The following TMEM132D variants were observed in gnomAD, a reference collection of about 807,000 sequenced individuals.
The protein encoded by TMEM132D is transmembrane protein 132D, also known as mature OL transmembrane protein.
A neutral mutation model predicts 62.3 loss-of-function variants in TMEM132D; 21 were observed. The ratio of observed to expected loss-of-function variants is 0.34; its 90% confidence interval spans 0.24 to 0.49. The LOEUF is 0.49. TMEM132D is among the 20% of genes least tolerant of loss of function. The pLI, the probability that TMEM132D is intolerant of heterozygous loss-of-function variation, is 0.99. For missense variants in TMEM132D, 1,346 were observed against 1,402.8 expected (o/e 0.96, Z 0.65); for synonymous variants, 621 against 575.6 (o/e 1.08, Z -1.13).
chr12:129,492,146 TCTC>T (rs957925612), intron 3 of TMEM132D, among the ~76,000 whole-genome samples: 1 of 152,190 alleles, frequency 6.6e-6, no homozygotes, highest in Non-Finnish European at 1.5e-5. Flanking sequence ...TTTAGTGTCT[TCTC>T]TTTTTCTTTT....
chr12:129,692,960 C>T (rs1361706043), intron 2 of TMEM132D, among the ~76,000 whole-genome samples: 1 of 152,114 alleles, frequency 6.6e-6, no homozygotes, highest in Non-Finnish European at 1.5e-5. Context: ...ATGTAACAAA[C>T]CTGCACATCC....
At chr12:129,814,902 T>C (rs1461819157) in intron 1 of TMEM132D, among the ~76,000 whole-genome samples, 2 of 152,260 alleles carry the variant, frequency 1.3e-5, no homozygotes, top group Admixed American at 1.3e-4. Context: ...AACGTTGCCT[T>C]CACAGGGGCT....
At chr12:129,747,727 G>A (rs1457185662) in intron 1 of TMEM132D, among the ~76,000 whole-genome samples, 1 of 143,170 alleles carries the variant, frequency 7.0e-6, no homozygotes, top group East Asian at 2.1e-4. Context: ...CATACACACA[G>A]ACACACACAC....
chr12:129,850,103 G>A (rs2137351942), intron 1 of TMEM132D, among the ~76,000 whole-genome samples: 1 of 152,322 alleles, frequency 6.6e-6, no homozygotes, highest in South Asian at 2.1e-4. Flanking sequence ...TCTTTCTGAA[G>A]GTATTTTGTG....
chr12:129,567,059 T>C (rs1877386998), intron 2 of TMEM132D, among the ~76,000 whole-genome samples: 1 of 152,252 alleles, frequency 6.6e-6, no homozygotes, highest in African/African-American at 2.4e-5. Context: ...ACTACCTTGT[T>C]GACCAGTTCT....
intron 4 of TMEM132D, among the ~76,000 whole-genome samples, chr12:129,245,673 A>C (rs1002151151): frequency 1.3e-5 from 2 of 152,108 alleles, no homozygotes; most frequent in African/African-American, 2.4e-5. Context: ...TGTAAAAGGC[A>C]GTGAGAGTGG....
At chr12:129,531,597 C>T (rs1004270471) in intron 2 of TMEM132D, among the ~76,000 whole-genome samples, 25 of 152,134 alleles carry the variant, frequency 1.6e-4, no homozygotes, top group African/African-American at 5.1e-4. Flanking sequence ...GAAATAAGAA[C>T]GCACATTCAT....
intron 4 of TMEM132D, among the ~76,000 whole-genome samples, chr12:129,276,250 C>G (rs1426981838): frequency 1.3e-5 from 2 of 152,164 alleles, no homozygotes; most frequent in East Asian, 1.9e-4. Flanking sequence ...TATTATTACC[C>G]AAAGATAAAA....
chr12:129,183,792 G>T (rs1262971515), intron 5 of TMEM132D, among the ~76,000 whole-genome samples: 1 of 146,188 alleles, frequency 6.8e-6, no homozygotes, highest in East Asian at 1.9e-4. Flanking sequence ...CTGGGTAGTG[G>T]CTGTCCCCTT....
chr12:129,800,716 G>T (rs61942076), intron 1 of TMEM132D, among the ~76,000 whole-genome samples: 12,411 of 152,190 alleles, frequency 0.082, 541 homozygotes, highest in Non-Finnish European at 0.097. Context: ...GAGGAGCCAA[G>T]ATGGCCGAAT....
chr12:129,600,011 A>G (rs891523227), intron 2 of TMEM132D, among the ~76,000 whole-genome samples: 13 of 152,148 alleles, frequency 8.5e-5, no homozygotes, highest in Non-Finnish European at 1.5e-4. Flanking sequence ...TGCTGCATCA[A>G]TGGACTCGTC....
chr12:129,131,169 T>C (rs1437155557), intron 5 of TMEM132D, among the ~76,000 whole-genome samples: 1 of 152,240 alleles, frequency 6.6e-6, no homozygotes, highest in Admixed American at 6.5e-5. Context: ...CACAGTCATA[T>C]GCATTACATG....
chr12:129,162,611 C>T (rs990176477), intron 5 of TMEM132D, among the ~76,000 whole-genome samples: 8 of 152,098 alleles, frequency 5.3e-5, no homozygotes, highest in Non-Finnish European at 8.8e-5. Context: ...ATGAGTGCCT[C>T]GGTGATGTGT....
intron 1 of TMEM132D, among the ~76,000 whole-genome samples, chr12:129,866,768 G>C (rs1175569189): frequency 1.3e-5 from 2 of 151,846 alleles, no homozygotes; most frequent in South Asian, 2.1e-4. Flanking sequence ...TCCCACTCTG[G>C]GTATATATCC....
chr12:129,533,271 G>T (rs1181947528), intron 2 of TMEM132D, among the ~76,000 whole-genome samples: 11 of 152,148 alleles, frequency 7.2e-5, no homozygotes, highest in Non-Finnish European at 1.3e-4. Flanking sequence ...ACGCCAAAAA[G>T]CCATCTGACC....
At chr12:129,834,055 G>A (rs1269913067) in intron 1 of TMEM132D, among the ~76,000 whole-genome samples, 4 of 152,182 alleles carry the variant, frequency 2.6e-5, no homozygotes, top group Non-Finnish European at 5.9e-5. Context: ...TCGGATCACT[G>A]TTCAAGGACT....
chr12:129,488,394 C>T (rs894634261), intron 3 of TMEM132D, among the ~76,000 whole-genome samples: 21 of 152,146 alleles, frequency 1.4e-4, no homozygotes, highest in South Asian at 8.3e-4. Flanking sequence ...TTCTTATTGT[C>T]GGGTGTGGTG....
At chr12:129,088,774 A>C (rs867560911) in intron 5 of TMEM132D, among the ~76,000 whole-genome samples, 4 of 28,616 alleles carry the variant, frequency 1.4e-4, no homozygotes, top group Non-Finnish European at 1.4e-4. Context: ...GGTGTCCTCC[A>C]TGACCGGGGT....
chr12:129,498,102 G>A (rs1320292559), intron 3 of TMEM132D, among the ~76,000 whole-genome samples: 1 of 152,138 alleles, frequency 6.6e-6, no homozygotes, highest in Non-Finnish European at 1.5e-5. Flanking sequence ...ACTTTCTCAT[G>A]TGAACCCAGA....
Sources: allele counts gnomAD v4.1 joint callset (sites outside exome capture counted in the v4.1 genomes callset), GRCh38; gene constraint gnomAD v4.1.1; transcripts MANE v1.5; gene names NCBI Gene and HGNC (gene_info 2026-07-23, HGNC 2026-07-21).